The following CARMIL1 variants were observed in gnomAD, a reference collection of about 807,000 sequenced individuals.
CARMIL1 encodes the protein capping protein regulator and myosin 1 linker 1.
A neutral mutation model predicts 177.1 loss-of-function variants in CARMIL1; 90 were observed. The observed-to-expected ratio is 0.51, with a 90% CI of 0.43 to 0.61. CARMIL1 has a LOEUF of 0.61. Among genes scored for constraint, CARMIL1 ranks in the 20% least tolerant of loss-of-function variants. CARMIL1 has a pLI of 0.00. For missense variants in CARMIL1, 1,380 were observed against 1,667.0 expected (o/e 0.83, Z 3.00); for synonymous variants, 577 against 606.2 (o/e 0.95, Z 0.71).
chr6:25,443,888 C>G (rs959413743), intron 5 of CARMIL1, among the ~76,000 whole-genome samples: 3 of 152,000 alleles, frequency 2.0e-5, no homozygotes, highest in Non-Finnish European at 2.9e-5. Context: ...ACTGCAACCT[C>G]TGCCTCCTGG....
chr6:25,541,429 C>T (rs958877313), intron 26 of CARMIL1, among the ~76,000 whole-genome samples: 4 of 152,108 alleles, frequency 2.6e-5, no homozygotes, highest in African/African-American at 9.6e-5. Flanking sequence ...CATAGATGTA[C>T]CAGCATAATT....
chr6:25,455,571 A>C (rs1489317281), intron 8 of CARMIL1, among the ~76,000 whole-genome samples: 1 of 152,246 alleles, frequency 6.6e-6, no homozygotes, highest in African/African-American at 2.4e-5. Context: ...CTGCCAGATT[A>C]CTTAAATATT....
chr6:25,387,636 A>G (rs926544207), intron 2 of CARMIL1, among the ~76,000 whole-genome samples: 1 of 152,242 alleles, frequency 6.6e-6, no homozygotes, highest in Non-Finnish European at 1.5e-5. Context: ...CATTTCTTCA[A>G]TTCAGTGAGC....
chr6:25,524,183 A>G (rs1168232390), intron 23 of CARMIL1, among the ~76,000 whole-genome samples: 2 of 152,206 alleles, frequency 1.3e-5, no homozygotes, highest in Non-Finnish European at 2.9e-5. Context: ...CCTGTCTCAC[A>G]TAAGGGATAG....
chr6:25,441,838 C>T (rs570351567), intron 5 of CARMIL1, among the ~76,000 whole-genome samples: 92 of 152,098 alleles, frequency 6.0e-4, no homozygotes, highest in African/African-American at 2.1e-3. Context: ...TTCTGTGTTA[C>T]GGCCTTCAGC....
chr6:25,459,208 CTTTTTCTTTCTT>C (rs1799792146), intron 8 of CARMIL1, among the ~76,000 whole-genome samples: 1 of 78,758 alleles, frequency 1.3e-5, no homozygotes, highest in Non-Finnish European at 2.9e-5. Flanking sequence ...AGGATCCCAA[CTTTTTCTTTCTT>C]TCTTTCTTTC....
At position 25,600,156 on chromosome 6, in the gene CARMIL1, T is replaced by G. The variant is rs539660360; in HGVS notation, c.3120-158T>G. On this transcript the variant is annotated intron_variant, in intron 32 of 36. Transcript: ENST00000329474. Reference sequence around the variant, plus strand: ...ATATGATAATGATATTCCACATTCCTTTCTGTTTCCTAAGGGCGGTAACTC... The same window carrying G: ...ATATGATAATGATATTCCACATTCCGTTCTGTTTCCTAAGGGCGGTAACTC... Among the ~76,000 whole-genome samples the G allele has an allele frequency of 2.0e-5, 3 of 152,354 alleles. No homozygotes were observed. The South Asian group carries it at 6.2e-4, about 32-fold the overall frequency.
chr6:25,605,703 A>G (rs1815889376), intron 34 of CARMIL1, among the ~76,000 whole-genome samples: 1 of 152,206 alleles, frequency 6.6e-6, no homozygotes, highest in African/African-American at 2.4e-5. Context: ...TTATACCTGT[A>G]CCTTGTGCCA....
chr6:25,545,898 C>T (rs1204151988), intron 26 of CARMIL1, among the ~76,000 whole-genome samples: 3 of 152,176 alleles, frequency 2.0e-5, no homozygotes, highest in African/African-American at 7.2e-5. Context: ...ACAACTAAAC[C>T]AGTACTTAGG....
At chr6:25,282,162 C>T (rs1281379731) in intron 1 of CARMIL1, among the ~76,000 whole-genome samples, 1 of 138,822 alleles carries the variant, frequency 7.2e-6, no homozygotes, top group East Asian at 2.1e-4. Flanking sequence ...TATGTAGAAA[C>T]AATTTAAATG....
At position 25,293,685 on chromosome 6, in the gene CARMIL1, C is replaced by CTCCTTTCCCT. The variant is rs1418665384; in HGVS notation, c.138+8786_138+8795dup. Among the ~76,000 whole-genome samples the CTCCTTTCCCT allele has an allele frequency of 1.6e-4, 24 of 152,008 alleles. 1 individual carries two copies. Among genetic ancestry groups the CTCCTTTCCCT allele is most frequent in the African/African-American group, 5.8e-4 (24 of 41,480 alleles). ...CGAGCTGGTCTTCCCTTCCCTTCCT[C>CTCCTTTCCCT]TCCTTTCCCTTCCTTTCCCCCTTCC... On this transcript the variant is annotated intron_variant, in intron 2 of 36. Transcript: ENST00000329474.
chr6:25,571,279 C>A (rs1306014056), intron 29 of CARMIL1, among the ~76,000 whole-genome samples: 1 of 151,660 alleles, frequency 6.6e-6, no homozygotes, highest in Non-Finnish European at 1.5e-5. Flanking sequence ...ATTCTGAGCA[C>A]CAAAAAGCAT....
Position 25,441,337 on chromosome 6 carries a change from A to ATATGTG in CARMIL1, c.371+5734_371+5735insATGTGT. Among the ~76,000 whole-genome samples, 519 of 94,522 alleles carry ATATGTG rather than the reference A, an allele frequency of 5.5e-3. 4 individuals are homozygous for ATATGTG. Among genetic ancestry groups the ATATGTG allele is most frequent in the Admixed American group, 0.012 (103 of 8,492 alleles). 62.0% of individuals were successfully genotyped at this position (94,522 alleles called of 152,430 possible). On this transcript the variant is annotated intron_variant, in intron 5 of 36. Transcript: ENST00000329474. ...CAAACAAACATATATATATATATAT[A>ATATGTG]TGTGTGTGTGTGTGTGTGTGTGTGT...
chr6:25,494,138 A>G (rs1803477161), intron 15 of CARMIL1, among the ~76,000 whole-genome samples: 1 of 150,506 alleles, frequency 6.6e-6, no homozygotes, highest in African/African-American at 2.4e-5. Flanking sequence ...ATTTATTATT[A>G]TTATACTTTA....
At chr6:25,318,081 G>C (rs1784413513) in intron 2 of CARMIL1, among the ~76,000 whole-genome samples, 1 of 152,146 alleles carries the variant, frequency 6.6e-6, no homozygotes, top group African/African-American at 2.4e-5. Context: ...TATTGGGCTT[G>C]GAATGTGCCA....
In CARMIL1 at chr6:25,479,674, A is replaced by AT. The variant is rs1374705832; in HGVS notation, c.875-2575dup. 4.6e-5 allele frequency among the ~76,000 whole-genome samples: 7 copies of AT among 150,596 alleles called. No individual in the cohort carries two copies. The East Asian group carries it at 1.4e-3, about 29-fold the overall frequency. Reference sequence around the variant, plus strand: ...TTAACTGGATTCTTCCCTTTTTCTTATTTTTTTTCCTTCCTTCTGTTTACA... The same window carrying AT: ...TTAACTGGATTCTTCCCTTTTTCTTATTTTTTTTTCCTTCCTTCTGTTTACA... On this transcript the variant is annotated intron_variant, in intron 11 of 36. Transcript: ENST00000329474.
intron 17 of CARMIL1, among the ~76,000 whole-genome samples, chr6:25,502,263 A>C (rs953084815): frequency 6.6e-6 from 1 of 151,270 alleles, no homozygotes. Context: ...CAAAAAAAAA[A>C]CAAAAAAAAA....
chr6:25,284,798 CTT>C lies in CARMIL1; in HGVS notation c.41-5_41-4del, dbSNP rs568919743. The stretch of plus-strand genomic sequence containing the variant: ...TTTTTTCTTATTAATAACATAATTC[CTT>C]TTTTTTTTCAGAAAGCATAAAGGAT... On this transcript the variant is annotated splice_polypyrimidine_tract_variant and intron_variant, in intron 1 of 36. Transcript: ENST00000329474. The C allele has an allele frequency of 1.1e-5, 14 of 1,227,638 alleles. No individual in the cohort carries two copies. Among genetic ancestry groups the C allele is most frequent in the Admixed American group, 6.9e-5 (3 of 43,540 alleles). The allele number at this position is 1,227,638 out of a possible 1,614,324, so 76.0% of individuals were successfully genotyped here. A position where few individuals can be genotyped will look rare whatever the true frequency, so the allele number is the denominator to read the frequency against.
At chr6:25,445,440 G>A (rs1366622796) in intron 5 of CARMIL1, among the ~76,000 whole-genome samples, 1 of 152,054 alleles carries the variant, frequency 6.6e-6, no homozygotes, top group Non-Finnish European at 1.5e-5. Context: ...CATCTATGAT[G>A]GTGATTTTTT....
Sources: allele counts gnomAD v4.1 joint callset (sites outside exome capture counted in the v4.1 genomes callset), GRCh38; gene constraint gnomAD v4.1.1; transcripts MANE v1.5; gene names NCBI Gene and HGNC (gene_info 2026-07-23, HGNC 2026-07-21).